CRTAC1: variants seen among roughly 807,000 people sequenced by gnomAD.
The protein encoded by CRTAC1 is acidic secreted protein in cartilage.
Under a neutral mutation model 67.8 loss-of-function variants are expected in CRTAC1, and 37 were observed. That is an observed-to-expected ratio of 0.55 (90% CI 0.42 to 0.72). CRTAC1 has a LOEUF of 0.72. Ranked by LOEUF, CRTAC1 falls within the 30% of genes least tolerant of loss-of-function variation. The pLI, the probability that CRTAC1 is intolerant of heterozygous loss-of-function variation, is 0.00. For missense variants in CRTAC1, 780 were observed against 931.6 expected (o/e 0.84, Z 2.12); for synonymous variants, 348 against 371.0 (o/e 0.94, Z 0.71).
chr10:97,899,092 G>A (rs1423218146), intron 8 of CRTAC1, among the ~76,000 whole-genome samples: 1 of 152,188 alleles, frequency 6.6e-6, no homozygotes, highest in African/African-American at 2.4e-5. Context: ...CACAGTGCCT[G>A]TTCAGTGACA....
At chr10:98,006,997 GAA>G (rs1842803265) in intron 2 of CRTAC1, among the ~76,000 whole-genome samples, 1 of 152,184 alleles carries the variant, frequency 6.6e-6, no homozygotes, top group Non-Finnish European at 1.5e-5. Context: ...GTCAAAATCA[GAA>G]ATGTCAAAAA....
intron 5 of CRTAC1, among the ~76,000 whole-genome samples, chr10:97,916,519 G>T (rs181645923): frequency 1.3e-5 from 2 of 152,218 alleles, no homozygotes; most frequent in African/African-American, 4.8e-5. Context: ...ACCCTTTCTG[G>T]GCAGGACTTT....
At chr10:97,916,284 C>T (rs2050757866) in intron 5 of CRTAC1, among the ~76,000 whole-genome samples, 1 of 152,202 alleles carries the variant, frequency 6.6e-6, no homozygotes, top group Non-Finnish European at 1.5e-5. Flanking sequence ...ATGTTTATTT[C>T]TTTTCCGGGG....
chr10:97,941,603 C>G (rs969082866), intron 2 of CRTAC1, among the ~76,000 whole-genome samples: 3 of 152,140 alleles, frequency 2.0e-5, no homozygotes, highest in Admixed American at 1.3e-4. Flanking sequence ...AGGCCAGGAA[C>G]CTGCGTCAGA....
At chr10:97,962,274 C>T (rs1047555444) in intron 2 of CRTAC1, among the ~76,000 whole-genome samples, 1 of 151,850 alleles carries the variant, frequency 6.6e-6, no homozygotes, top group South Asian at 2.1e-4. Flanking sequence ...GGGATGAGAT[C>T]ACAGCCAACT....
In CRTAC1 at chr10:97,884,318, C is replaced by T; in HGVS notation, c.1520G>A (p.Trp507Ter). 3 of 1,552,326 alleles carry T rather than the reference C, an allele frequency of 1.9e-6. No individual in the cohort carries two copies. Among genetic ancestry groups the T allele is most frequent in the Non-Finnish European group, 2.6e-6 (3 of 1,147,564 alleles). The change falls in exon 12 of 15, where the codon TGG (tryptophan) becomes TAG (stop). Residue 507 changes from tryptophan (W) to a stop codon, truncating the protein, a stop_gained. Coordinates refer to ENST00000370597, the MANE Select transcript of CRTAC1 (RefSeq NM_018058.7). LOFTEE classifies it high-confidence loss of function. ...KDEASSVEVT[W>*]PDGKMVSRNV... The stretch of plus-strand genomic sequence containing the variant: ...CCGGCTCACCATCTTGCCATCTGGC[C>T]ACGTCACCTCCACACTGCTGGCTTC...
Position 98,013,321 on chromosome 10 carries a change from C to T in CRTAC1, c.25-1984G>A, listed in dbSNP as rs181144213. On this transcript the variant is annotated intron_variant, in intron 1 of 14. Transcript: ENST00000370597. The stretch of plus-strand genomic sequence containing the variant: ...GGCACCACATCTGCAATTTGGGTCA[C>T]GGCCACCAGGGAGGCTGGCCCCATT... 2.1e-3 allele frequency among the ~76,000 whole-genome samples: 323 copies of T among 152,324 alleles called. 2 individuals carry two copies. The highest frequency in any genetic ancestry group is 6.7e-3 in the African/African-American group (280 of 41,562).
In CRTAC1 at chr10:98,030,072, A is replaced by T. The variant is rs1843335665; in HGVS notation, c.24+377T>A. ...TGGCTGACTGGGAGACTCTCCCGAT[A>T]GCCCGGCACATCCCTCCTCACCCGC... On this transcript the variant is annotated intron_variant, in intron 1 of 14. Coordinates refer to ENST00000370597, the MANE Select transcript of CRTAC1 (RefSeq NM_018058.7). This position sits in a 1 kb window ranked among gnomAD's most constrained non-coding sequence, Gnocchi z 4.2. 6.6e-6 allele frequency among the ~76,000 whole-genome samples: 1 copy of T among 151,984 alleles called. No homozygotes were observed. The highest frequency in any genetic ancestry group is 2.4e-5 in the African/African-American group (1 of 41,390).
At position 98,030,153 on chromosome 10, in the gene CRTAC1, C is replaced by T. The variant is rs1314184532; in HGVS notation, c.24+296G>A. On this transcript the variant is annotated intron_variant, in intron 1 of 14. Coordinates refer to ENST00000370597, the MANE Select transcript of CRTAC1 (RefSeq NM_018058.7). This position sits in a 1 kb window ranked among gnomAD's most constrained non-coding sequence, Gnocchi z 4.2. ...CCCCTGACAGCTGACCTCCAGTGCG[C>T]CCCCAACACTTTCTCTGCCAGCTGC... Among the ~76,000 whole-genome samples, 2 of 151,974 alleles carry T rather than the reference C, an allele frequency of 1.3e-5. No individual in the cohort carries two copies. The highest frequency in any genetic ancestry group is 2.9e-5 in the Non-Finnish European group (2 of 67,926).
At chr10:97,886,799 C>T (rs752032331) in intron 11 of CRTAC1, among the ~76,000 whole-genome samples, 5 of 151,914 alleles carry the variant, frequency 3.3e-5, no homozygotes, top group Admixed American at 6.6e-5. Flanking sequence ...CATGTACCAC[C>T]GCGCCTGGCT....
chr10:98,021,747 C>T (rs189158326), intron 1 of CRTAC1, among the ~76,000 whole-genome samples: 182 of 152,220 alleles, frequency 1.2e-3, no homozygotes, highest in Middle Eastern at 3.4e-3. Context: ...CAGGCCTGCT[C>T]GGTGCTCCCC....
intron 2 of CRTAC1, among the ~76,000 whole-genome samples, chr10:97,983,976 G>A (rs2051939292): frequency 6.6e-6 from 1 of 152,176 alleles, no homozygotes; most frequent in Non-Finnish European, 1.5e-5. Flanking sequence ...CTATGCAAGG[G>A]GCTTTAACCA....
intron 2 of CRTAC1, among the ~76,000 whole-genome samples, chr10:98,005,100 ATTTTTTTT>A (rs10683960): frequency 2.0e-5 from 1 of 48,884 alleles, no homozygotes; most frequent in East Asian, 4.5e-4. Flanking sequence ...ATATATATAT[ATTTTTTTT>A]TTTTTTTTTT....
rs2051791794 is a variant in CRTAC1, at chr10:97,975,855, G to A, written c.224+35283C>T. Among the ~76,000 whole-genome samples the A allele has an allele frequency of 6.6e-6, 1 of 152,226 alleles. No individual in the cohort carries two copies. Among genetic ancestry groups the A allele is most frequent in the East Asian group, 1.9e-4 (1 of 5,190 alleles). On this transcript the variant is annotated intron_variant, in intron 2 of 14. Transcript: ENST00000370597. This position sits in a 1 kb window ranked among gnomAD's most constrained non-coding sequence, Gnocchi z 4.8. ...CGTGCTCCTGGGCCCCCAATGAGGAGCTAGCTCCCGGCTGCCCCTTGAGGT... is the reference window on the plus strand; with the variant it reads ...CGTGCTCCTGGGCCCCCAATGAGGAACTAGCTCCCGGCTGCCCCTTGAGGT...
At chr10:97,949,770 C>A (rs2136630171) in intron 2 of CRTAC1, among the ~76,000 whole-genome samples, 1 of 152,350 alleles carries the variant, frequency 6.6e-6, no homozygotes, top group East Asian at 1.9e-4. Flanking sequence ...AGCCACCTAA[C>A]CTGTCCAAGC....
intron 2 of CRTAC1, among the ~76,000 whole-genome samples, chr10:98,010,493 G>T (rs927670995): frequency 6.6e-6 from 1 of 152,130 alleles, no homozygotes; most frequent in Non-Finnish European, 1.5e-5. Flanking sequence ...AGAGACTCAA[G>T]GACATAAAAC....
chr10:97,957,768 A>T (rs1227799556), intron 2 of CRTAC1, among the ~76,000 whole-genome samples: 1 of 152,076 alleles, frequency 6.6e-6, no homozygotes, highest in Admixed American at 6.6e-5. Flanking sequence ...AATGCAATGG[A>T]CCCTCCATCC....
At chr10:97,901,330 C>T (rs933576775) in intron 8 of CRTAC1, among the ~76,000 whole-genome samples, 173 bp downstream of exon 8, 1 of 152,238 alleles carries the variant, frequency 6.6e-6, no homozygotes, top group Non-Finnish European at 1.5e-5. Flanking sequence ...AGCCTCTTGC[C>T]CAGTCCTCGT....
At chr10:97,955,980 T>C (rs1282291984) in intron 2 of CRTAC1, among the ~76,000 whole-genome samples, 3 of 152,156 alleles carry the variant, frequency 2.0e-5, no homozygotes, top group African/African-American at 4.8e-5. Flanking sequence ...CTGAATAACC[T>C]TGTAGTGAGC....
Sources: allele counts gnomAD v4.1 joint callset (sites outside exome capture counted in the v4.1 genomes callset), GRCh38; gene constraint gnomAD v4.1.1; non-coding constraint Gnocchi (gnomAD v3.1); transcripts MANE v1.5; gene names NCBI Gene and HGNC (gene_info 2026-07-23, HGNC 2026-07-21).